ZBTB5: variants seen among roughly 807,000 people sequenced by gnomAD.
ZBTB5 encodes zinc finger and BTB domain-containing protein 5.
ZBTB5 carries 15 observed loss-of-function variants against 37.9 expected under a neutral mutation model. The observed-to-expected ratio is 0.40, with a 90% CI of 0.26 to 0.61. The LOEUF is 0.61. Ranked by LOEUF, ZBTB5 falls within the 20% of genes least tolerant of loss-of-function variation. The probability of loss-of-function intolerance (pLI) is 0.47; values close to 1 mark genes in which losing one functional copy is unlikely to be tolerated. For missense variants in ZBTB5, 708 were observed against 856.8 expected (o/e 0.83, Z 2.17); for synonymous variants, 315 against 312.4 (o/e 1.01, Z -0.09).
intron 1 of ZBTB5, among the ~76,000 whole-genome samples, chr9:37,446,429 A>T (rs1823994137): frequency 6.6e-6 from 1 of 152,250 alleles, no homozygotes; most frequent in South Asian, 2.1e-4. Flanking sequence ...ATTCAGCTAT[A>T]CTTGGAAAGT....
chr9:37,462,567 T>TG (rs199776711), intron 1 of ZBTB5, among the ~76,000 whole-genome samples: 3,242 of 151,288 alleles, frequency 0.021, 118 homozygotes, highest in African/African-American at 0.072. Context: ...TAACCGTTTT[T>TG]TTTTTTTTTT....
chr9:37,444,994 T>A (rs10973339), intron 1 of ZBTB5, among the ~76,000 whole-genome samples: 28,170 of 151,746 alleles, frequency 0.19, 3,565 homozygotes, highest in East Asian at 0.35. Flanking sequence ...GATAACCTGA[T>A]GTGACTGGGA....
At chr9:37,455,834 G>A (rs1824177484) in intron 1 of ZBTB5, among the ~76,000 whole-genome samples, 3 of 152,070 alleles carry the variant, frequency 2.0e-5, no homozygotes, top group Admixed American at 2.0e-4. Flanking sequence ...ACTCAAGTAG[G>A]CTAGGATTTT....
At chr9:37,452,369 G>GC (rs1824119326) in intron 1 of ZBTB5, among the ~76,000 whole-genome samples, 1 of 152,120 alleles carries the variant, frequency 6.6e-6, no homozygotes, top group African/African-American at 2.4e-5. Context: ...CCAAATACTA[G>GC]CATCATTTTT....
intron 1 of ZBTB5, among the ~76,000 whole-genome samples, chr9:37,452,494 A>G (rs2118949041): frequency 6.6e-6 from 1 of 152,334 alleles, no homozygotes; most frequent in South Asian, 2.1e-4. Context: ...AAAGACTATG[A>G]ATACAAAGGA....
chr9:37,442,626 T>G, intron 1 of ZBTB5, 71 bp from the exon 2 acceptor site: 2 of 1,281,190 alleles, frequency 1.6e-6, no homozygotes, highest in Non-Finnish European at 2.1e-6. Context: ...AAGGGTATGA[T>G]GAAAAGAGTG....
intron 1 of ZBTB5, among the ~76,000 whole-genome samples, chr9:37,448,614 T>G (rs146958416): frequency 7.4e-4 from 113 of 152,290 alleles, no homozygotes; most frequent in African/African-American, 2.6e-3. Context: ...CTGTAACATC[T>G]TCAATTAGCA....
At chr9:37,450,398 G>C (rs1824081523) in intron 1 of ZBTB5, among the ~76,000 whole-genome samples, 1 of 152,102 alleles carries the variant, frequency 6.6e-6, no homozygotes, top group Non-Finnish European at 1.5e-5. Context: ...GCCCATACAG[G>C]TCACTGGACT....
Position 37,442,057 on chromosome 9 carries a change from C to G in ZBTB5, c.495G>C (p.Glu165Asp). 1 of 1,613,920 alleles carries G rather than the reference C, an allele frequency of 6.2e-7. No individual in the cohort carries two copies. ...AAGAGCTCATGGGGGCTGGCTGCTC[C>G]TCGCCATTCTGGCTGGAATTGAGGG... Reference protein sequence around the residue: ...SSALNSSQNGEEQPAPMSSSM... With the variant: ...SSALNSSQNGDEQPAPMSSSM... The change falls in exon 2 of 2, where the codon GAG (glutamate) becomes GAC (aspartate). Residue 165 changes from glutamate (E) to aspartate (D), a missense_variant. Glu to Asp is a conservative substitution (Grantham distance 45). Coordinates refer to ENST00000307750, the MANE Select transcript of ZBTB5 (RefSeq NM_014872.3).
In ZBTB5 at chr9:37,441,791, T is replaced by A. The variant is rs759439106; in HGVS notation, c.761A>T (p.Glu254Val). 1 of 1,614,060 alleles carries A rather than the reference T, an allele frequency of 6.2e-7. No homozygotes were observed. The highest frequency in any genetic ancestry group is 1.1e-5 in the South Asian group (1 of 91,074). Residue 254 changes from glutamate (E) to valine (V), a missense_variant, in exon 2 of 2, where the codon GAA (glutamate) becomes GTA (valine). Around this residue, in one of 3 missense-constraint regions of ZBTB5, gnomAD observed 639 missense variants for 690.5 expected, o/e 0.93. Coordinates refer to ENST00000307750, the MANE Select transcript of ZBTB5 (RefSeq NM_014872.3). ...PKADGMTDNQ[E>V]DSAIMFDQSF... Reference sequence around the variant, plus strand: ...CTGATCAAACATGATCGCACTATCTTCCTGGTTATCAGTCATTCCATCAGC... The same window carrying A: ...CTGATCAAACATGATCGCACTATCTACCTGGTTATCAGTCATTCCATCAGC...
At chr9:37,460,115 C>T (rs1396596052) in intron 1 of ZBTB5, among the ~76,000 whole-genome samples, 3 of 151,980 alleles carry the variant, frequency 2.0e-5, no homozygotes, top group Admixed American at 6.6e-5. Context: ...AAATGCTGGG[C>T]CTGGCCAAGA....
At chr9:37,450,735 C>CCTGTACAGGTACAGGTACA (rs1824088408) in intron 1 of ZBTB5, among the ~76,000 whole-genome samples, 1 of 151,788 alleles carries the variant, frequency 6.6e-6, no homozygotes. Context: ...CTTGGTGGCA[C>CCTGTACAGGTACAGGTACA]GTACCTGTAA....
At chr9:37,459,580 G>C (rs886611486) in intron 1 of ZBTB5, among the ~76,000 whole-genome samples, 5 of 149,054 alleles carry the variant, frequency 3.4e-5, no homozygotes, top group African/African-American at 1.2e-4. Flanking sequence ...TTCAGGCAGA[G>C]TCTCACTCTG....
In ZBTB5 at chr9:37,450,796, C is replaced by T. The variant is rs570261892; in HGVS notation, c.-4-8241G>A. Among the ~76,000 whole-genome samples the T allele has an allele frequency of 6.6e-4, 99 of 150,354 alleles. 9 individuals are homozygous for T. The highest frequency in any genetic ancestry group is 1.2e-4 in the Non-Finnish European group (8 of 67,724). On this transcript the variant is annotated intron_variant, in intron 1 of 1. Transcript: ENST00000307750. ...AGGAGAATCGCTTGAACCTGGGAGG[C>T]GGAGGTTGCAGTGAGCCGAGATCAC...
intron 1 of ZBTB5, among the ~76,000 whole-genome samples, chr9:37,464,867 C>G (rs575885608): frequency 1.2e-4 from 19 of 152,334 alleles, no homozygotes; most frequent in African/African-American, 4.3e-4. Context: ...GACCACATCC[C>G]GCAGGGCAGC....
Position 37,438,976 on chromosome 9 carries a change from G to A in ZBTB5, c.*1542C>T, listed in dbSNP as rs1387433008. On this transcript the variant is annotated 3_prime_UTR_variant, in exon 2 of 2. Transcript: ENST00000307750. ...TCTAGATTAACAGGAGAGAAAACAC[G>A]CTCATTTTTGTTTCCAGCTACACAT... is the stretch of plus-strand genomic sequence containing the variant. 2.0e-5 allele frequency: 3 copies of A among 152,178 alleles called. No homozygotes were observed. The highest frequency in any genetic ancestry group is 1.9e-4 in the East Asian group (1 of 5,204). The allele number at this position is 152,178 out of a possible 1,614,324, so 9.4% of individuals were successfully genotyped here.
intron 1 of ZBTB5, 51 bp downstream of exon 1, chr9:37,465,164 C>A (rs1824369903): frequency 6.6e-6 from 1 of 152,352 alleles, no homozygotes; most frequent in African/African-American, 2.4e-5. Flanking sequence ...CTCAACCTTC[C>A]CCACGTGAGC....
Position 37,441,300 on chromosome 9 carries a change from C to T in ZBTB5, c.1252G>A (p.Gly418Arg), listed in dbSNP as rs754539324. ...TTCTGATTTGCAGTAAAGTTATTTC[C>T]TCTGCTCTTGTTAAGAAAATTCGAA... ...SISNFLNKSR[G>R]NNFTANQNND... The change falls in exon 2 of 2, where the codon GGA becomes AGA. Residue 418 changes from glycine to arginine, a missense_variant. This residue lies in a region of ZBTB5 where 639 missense variants were observed against 690.5 expected (regional missense o/e 0.93). Transcript: ENST00000307750. 28 of 1,614,010 alleles carry T rather than the reference C, an allele frequency of 1.7e-5. No individual in the cohort carries two copies. Among genetic ancestry groups the T allele is most frequent in the Admixed American group, 5.0e-5 (3 of 59,990 alleles).
At chr9:37,459,392 A>G (rs369410092) in intron 1 of ZBTB5, among the ~76,000 whole-genome samples, 1 of 151,746 alleles carries the variant, frequency 6.6e-6, no homozygotes. Context: ...CCTGGGAGGC[A>G]GAGGTTGCAG....
Sources: allele counts gnomAD v4.1 joint callset (sites outside exome capture counted in the v4.1 genomes callset), GRCh38; gene constraint gnomAD v4.1.1; regional missense constraint gnomAD v4.1.1; transcripts MANE v1.5; gene names NCBI Gene and HGNC (gene_info 2026-07-23, HGNC 2026-07-21).